Variants in CARMIL1 observed in about 807,000 individuals in gnomAD.
CARMIL1 encodes capping protein regulator and myosin 1 linker 1.
Under a neutral mutation model 177.1 loss-of-function variants are expected in CARMIL1, and 90 were observed. The observed-to-expected ratio is 0.51, with a 90% confidence interval of 0.43 to 0.61. CARMIL1 has a LOEUF of 0.61. Ranked by LOEUF, CARMIL1 falls within the 20% of genes least tolerant of loss-of-function variation. The probability of loss-of-function intolerance (pLI) is 0.00; values close to 1 mark genes in which losing one functional copy is unlikely to be tolerated. For missense variants in CARMIL1, 1,380 were observed against 1,667.0 expected (o/e 0.83, Z 3.00); for synonymous variants, 577 against 606.2 (o/e 0.95, Z 0.71).
At chr6:25,295,679 C>T (rs1316010950) in intron 2 of CARMIL1, among the ~76,000 whole-genome samples, 3 of 152,208 alleles carry the variant, frequency 2.0e-5, no homozygotes. Context: ...GCTCCTGAGG[C>T]AAACCTTTTT....
chr6:25,303,574 C>T lies in CARMIL1; in HGVS notation c.138+18665C>T, dbSNP rs190303908. On this transcript the variant is annotated intron_variant, in intron 2 of 36. Transcript: ENST00000329474. ...TACTTAACATGTACATTTCTTGAAG[C>T]GCCAATTATCATCTCACAGGACACT... Among the ~76,000 whole-genome samples the T allele has an allele frequency of 1.1e-3, 170 of 152,278 alleles. 1 individual carries two copies. The highest frequency in any genetic ancestry group is 3.1e-4 in the Non-Finnish European group (21 of 68,028).
intron 2 of CARMIL1, among the ~76,000 whole-genome samples, chr6:25,330,334 G>A (rs896893640): frequency 6.6e-6 from 1 of 152,202 alleles, no homozygotes; most frequent in African/African-American, 2.4e-5. Context: ...GGGATTTAAA[G>A]TGTGAAGTTC....
At chr6:25,530,511 A>G (rs1036126323) in intron 24 of CARMIL1, among the ~76,000 whole-genome samples, 1 of 152,168 alleles carries the variant, frequency 6.6e-6, no homozygotes, top group African/African-American at 2.4e-5. Flanking sequence ...CAGAAAGAGT[A>G]AATCGGCTAT....
At chr6:25,303,819 A>G (rs892667373) in intron 2 of CARMIL1, among the ~76,000 whole-genome samples, 3 of 152,212 alleles carry the variant, frequency 2.0e-5, no homozygotes, top group African/African-American at 7.2e-5. Flanking sequence ...ATTCAGCACT[A>G]TCTGTTTGTA....
chr6:25,343,095 T>A (rs1787113692), intron 2 of CARMIL1, among the ~76,000 whole-genome samples: 1 of 152,236 alleles, frequency 6.6e-6, no homozygotes, highest in South Asian at 2.1e-4. Flanking sequence ...CCTCATTGGG[T>A]GTTTCCTCAA....
At position 25,400,287 on chromosome 6, in the gene CARMIL1, G is replaced by A. The variant is rs1793779838; in HGVS notation, c.139-19827G>A. Reference sequence around the variant, plus strand: ...AGGGAAAAGGGATAAGGCCTATAAAGAAAGTCCACACCCAGCGCCTGGTTC... The same window carrying A: ...AGGGAAAAGGGATAAGGCCTATAAAAAAAGTCCACACCCAGCGCCTGGTTC... On this transcript the variant is annotated intron_variant, in intron 2 of 36. Transcript: ENST00000329474. 2.6e-5 allele frequency among the ~76,000 whole-genome samples: 4 copies of A among 152,272 alleles called. No homozygotes were observed. The South Asian group carries it at 6.2e-4, about 24-fold the overall frequency.
At chr6:25,453,386 G>A (rs1053565684) in intron 8 of CARMIL1, among the ~76,000 whole-genome samples, 3 of 152,092 alleles carry the variant, frequency 2.0e-5, no homozygotes, top group South Asian at 4.2e-4. Flanking sequence ...ATAGTCCACT[G>A]AAAAAAAGGA....
At chr6:25,466,556 A>G (rs1210058199) in intron 9 of CARMIL1, among the ~76,000 whole-genome samples, 1 of 152,256 alleles carries the variant, frequency 6.6e-6, no homozygotes, top group Non-Finnish European at 1.5e-5. Flanking sequence ...AGATGCTTAT[A>G]CATAAATTAA....
At chr6:25,519,490 C>A in intron 22 of CARMIL1, among the ~76,000 whole-genome samples, 1 of 152,154 alleles carries the variant, frequency 6.6e-6, no homozygotes, top group East Asian at 1.9e-4. Flanking sequence ...TTTCCTCACA[C>A]AAAAATGGCT....
chr6:25,518,115 G>A (rs566637240), intron 22 of CARMIL1, among the ~76,000 whole-genome samples: 12 of 152,202 alleles, frequency 7.9e-5, no homozygotes, highest in Admixed American at 6.5e-4. Flanking sequence ...AATAAGGGGC[G>A]GATGGCATAG....
chr6:25,345,718 G>A (rs192705960), intron 2 of CARMIL1, among the ~76,000 whole-genome samples: 1 of 152,302 alleles, frequency 6.6e-6, no homozygotes, highest in East Asian at 1.9e-4. Flanking sequence ...CCAGGTTCAT[G>A]CAGTTATTGT....
chr6:25,496,914 C>T (rs1043812009), intron 16 of CARMIL1, among the ~76,000 whole-genome samples: 7 of 152,010 alleles, frequency 4.6e-5, no homozygotes, highest in Admixed American at 1.3e-4. Context: ...CGGAATATTC[C>T]AGTTTGCAAC....
chr6:25,451,995 T>TCC lies in CARMIL1; in HGVS notation c.614+1292_614+1293dup, dbSNP rs748360806. ...TCATCACTAGCATCTTGCCCCCCCCTCCCCCCCCCAGAATACTGTTTTGAA... is the reference window on the plus strand; with the variant it reads ...TCATCACTAGCATCTTGCCCCCCCCTCCCCCCCCCCCAGAATACTGTTTTGAA... On this transcript the variant is annotated intron_variant, in intron 8 of 36. Transcript: ENST00000329474. The TCC allele has an allele frequency of 7.0e-3, 1,006 of 143,860 alleles. 44 individuals are homozygous for TCC. The highest frequency in any genetic ancestry group is 0.027 in the African/African-American group (575 of 21,604). 8.9% of individuals were successfully genotyped at this position (143,860 alleles called of 1,614,324 possible).
chr6:25,442,232 A>G (rs181718770), intron 5 of CARMIL1, among the ~76,000 whole-genome samples: 70 of 150,894 alleles, frequency 4.6e-4, no homozygotes, highest in Non-Finnish European at 6.8e-4. Flanking sequence ...TGCATGGACA[A>G]AGAGTTGGTG....
chr6:25,407,799 A>G (rs1794516901), intron 2 of CARMIL1, among the ~76,000 whole-genome samples: 1 of 152,222 alleles, frequency 6.6e-6, no homozygotes, highest in African/African-American at 2.4e-5. Context: ...ATGACCTGGC[A>G]GTGTCAGGGG....
chr6:25,568,737 C>T (rs1582391799), intron 29 of CARMIL1, among the ~76,000 whole-genome samples: 2 of 152,212 alleles, frequency 1.3e-5, no homozygotes, highest in African/African-American at 4.8e-5. Context: ...CCATAAAAAC[C>T]TTAGTAATGC....
chr6:25,530,565 A>G (rs1353081298), intron 24 of CARMIL1, among the ~76,000 whole-genome samples: 1 of 152,194 alleles, frequency 6.6e-6, no homozygotes, highest in Admixed American at 6.5e-5. Context: ...AATCCCAATT[A>G]GTAGACGTAA....
At chr6:25,400,017 A>G (rs2150575889) in intron 2 of CARMIL1, among the ~76,000 whole-genome samples, 1 of 152,334 alleles carries the variant, frequency 6.6e-6, no homozygotes, top group African/African-American at 2.4e-5. Context: ...TCCAAATCAC[A>G]CAGCTAGTAA....
intron 2 of CARMIL1, among the ~76,000 whole-genome samples, chr6:25,292,607 C>T (rs149483086): frequency 3.9e-5 from 6 of 152,308 alleles, no homozygotes; most frequent in African/African-American, 1.4e-4. Flanking sequence ...TCTACTCTCT[C>T]CTCATCTGCA....
Sources: gnomAD v4.1 joint callset for allele counts (sites outside exome capture counted in the v4.1 genomes callset) on GRCh38, gnomAD v4.1.1 for gene constraint, MANE v1.5 for transcripts, NCBI Gene and HGNC (gene_info 2026-07-23, HGNC 2026-07-21) for gene names.